The following PPP1R12A variants were observed in gnomAD, a reference collection of about 807,000 sequenced individuals.
PPP1R12A encodes the protein protein phosphatase 1 regulatory subunit 12A, also known as myosin binding subunit.
Under a neutral mutation model 139.6 loss-of-function variants are expected in PPP1R12A, and 19 were observed. The ratio of observed to expected loss-of-function variants is 0.14; its 90% CI spans 0.09 to 0.20. The LOEUF (loss-of-function observed/expected upper bound fraction) is 0.20. Among genes scored for constraint, PPP1R12A ranks in the 10% least tolerant of loss-of-function variants. The pLI is 1.00. For missense variants in PPP1R12A, 925 were observed against 1,211.5 expected (o/e 0.76, Z 3.51); for synonymous variants, 427 against 420.6 (o/e 1.02, Z -0.19).
At chr12:79,779,724 G>A (rs1389608916) in intron 23 of PPP1R12A, 1 of 217,992 alleles carries the variant, frequency 4.6e-6, no homozygotes, top group African/African-American at 2.3e-5. Flanking sequence ...ATCAGAAATA[G>A]AATATTTCTT....
rs201441154 is a variant in PPP1R12A at position 79,861,102 on chromosome 12, T to TTAAACCC, written c.368+11705_368+11706insGGGTTTA. On this transcript the variant is annotated intron_variant, in intron 2 of 24. Coordinates refer to ENST00000450142, the MANE Select transcript of PPP1R12A (RefSeq NM_002480.3). The stretch of plus-strand genomic sequence containing the variant: ...TCAGTAGCCATCCTAAGGAACAGGG[T>TTAAACCC]TTCTTGGAGAAATGAGGACTCCAGG... Among the ~76,000 whole-genome samples, 1,328 of 152,162 alleles carry TTAAACCC rather than the reference T, an allele frequency of 8.7e-3. 22 individuals are homozygous for TTAAACCC. The highest frequency in any genetic ancestry group is 0.031 in the African/African-American group (1,277 of 41,520).
intron 2 of PPP1R12A, among the ~76,000 whole-genome samples, chr12:79,863,644 C>CAAAAAAA (rs61530316): frequency 3.6e-5 from 2 of 55,334 alleles, no homozygotes; most frequent in African/African-American, 6.7e-5. Flanking sequence ...AAATTGAAAG[C>CAAAAAAA]AAAAAAAAAA....
At chr12:79,866,321 C>G (rs2137305255) in intron 2 of PPP1R12A, among the ~76,000 whole-genome samples, 1 of 152,270 alleles carries the variant, frequency 6.6e-6, no homozygotes, top group Non-Finnish European at 1.5e-5. Flanking sequence ...AAAATCAACT[C>G]AAGATGGATC....
At chr12:79,872,757 C>T in intron 2 of PPP1R12A, 51 bp downstream of exon 2, 3 of 1,563,012 alleles carry the variant, frequency 1.9e-6, no homozygotes, top group East Asian at 2.3e-5. Flanking sequence ...AATAAACATT[C>T]AGGTCTGTCA....
At chr12:79,930,435 A>G (rs1243787923) in intron 1 of PPP1R12A, among the ~76,000 whole-genome samples, 1 of 152,170 alleles carries the variant, frequency 6.6e-6, no homozygotes, top group East Asian at 1.9e-4. Context: ...AATAAGGGAG[A>G]GAATAGAGGC....
intron 14 of PPP1R12A, among the ~76,000 whole-genome samples, chr12:79,799,158 T>G (rs1011058017): frequency 6.6e-6 from 1 of 150,886 alleles, no homozygotes; most frequent in Non-Finnish European, 1.5e-5. Context: ...GTTTGTTTTG[T>G]TTTTTTTTGA....
intron 1 of PPP1R12A, among the ~76,000 whole-genome samples, chr12:79,873,510 A>AC (rs1882783351): frequency 6.6e-6 from 1 of 151,190 alleles, no homozygotes; most frequent in Non-Finnish European, 1.5e-5. Context: ...AAAAAAAAAA[A>AC]AAAAACATTG....
intron 1 of PPP1R12A, among the ~76,000 whole-genome samples, chr12:79,928,715 A>T (rs192048243): frequency 1.2e-4 from 19 of 152,346 alleles, no homozygotes; most frequent in Non-Finnish European, 2.5e-4. Flanking sequence ...TAGTAATCAA[A>T]CTATTTGCTA....
chr12:79,813,299 C>T (rs994177979), intron 9 of PPP1R12A, among the ~76,000 whole-genome samples: 4 of 152,130 alleles, frequency 2.6e-5, no homozygotes, highest in African/African-American at 9.7e-5. Flanking sequence ...GGTTTACAAG[C>T]CCTTCTTCTC....
At chr12:79,894,837 G>A (rs993143432) in intron 1 of PPP1R12A, among the ~76,000 whole-genome samples, 5 of 152,074 alleles carry the variant, frequency 3.3e-5, no homozygotes, top group African/African-American at 9.7e-5. Context: ...CACCTAACAC[G>A]CTTTTTGGGA....
chr12:79,807,605 CAGA>C (rs1170202503), intron 11 of PPP1R12A, among the ~76,000 whole-genome samples: 1 of 151,392 alleles, frequency 6.6e-6, no homozygotes, highest in African/African-American at 2.4e-5. Flanking sequence ...ACTTTAACCG[CAGA>C]AGATCTACTT....
intron 20 of PPP1R12A, chr12:79,789,696 A>G (rs1169776089): frequency 1.3e-5 from 6 of 450,754 alleles, no homozygotes; most frequent in Admixed American, 4.8e-5. Context: ...GTTAACAATG[A>G]TAAGAGAAAT....
chr12:79,812,194 T>C (rs1874624318), intron 9 of PPP1R12A, among the ~76,000 whole-genome samples: 1 of 152,188 alleles, frequency 6.6e-6, no homozygotes, highest in Non-Finnish European at 1.5e-5. Flanking sequence ...AACATGAACT[T>C]GGATTTAAGT....
chr12:79,802,655 C>T (rs1173628030), intron 14 of PPP1R12A, among the ~76,000 whole-genome samples: 1 of 152,010 alleles, frequency 6.6e-6, no homozygotes, highest in African/African-American at 2.4e-5. Flanking sequence ...TGATGGCACA[C>T]CTGTAGTCCT....
At chr12:79,851,457 T>C (rs1371643197) in intron 2 of PPP1R12A, among the ~76,000 whole-genome samples, 1 of 152,210 alleles carries the variant, frequency 6.6e-6, no homozygotes, top group African/African-American at 2.4e-5. Context: ...CTATCAGTAC[T>C]TAACAAATGT....
intron 3 of PPP1R12A, among the ~76,000 whole-genome samples, chr12:79,839,983 T>C (rs957121489): frequency 1.3e-5 from 2 of 152,228 alleles, no homozygotes; most frequent in African/African-American, 4.8e-5. Flanking sequence ...AATTAAGATA[T>C]GCTATATAAA....
intron 10 of PPP1R12A, among the ~76,000 whole-genome samples, chr12:79,809,517 A>G (rs1874271252): frequency 6.6e-6 from 1 of 152,168 alleles, no homozygotes; most frequent in Admixed American, 6.5e-5. Context: ...AAACAAAATA[A>G]GCCTGCTCCT....
At chr12:79,849,132 GT>G (rs1879749498) in intron 2 of PPP1R12A, among the ~76,000 whole-genome samples, 1 of 152,018 alleles carries the variant, frequency 6.6e-6, no homozygotes, top group Non-Finnish European at 1.5e-5. Context: ...AGGAAGCAAT[GT>G]TTCACTTTGG....
At chr12:79,782,577 T>A (rs1194500636) in intron 22 of PPP1R12A, 2 of 455,568 alleles carry the variant, frequency 4.4e-6, no homozygotes, top group South Asian at 3.1e-5. Flanking sequence ...CTACCTGTTG[T>A]ATCCTGTACT....
Sources: gnomAD v4.1 joint callset for allele counts (sites outside exome capture counted in the v4.1 genomes callset) on GRCh38, gnomAD v4.1.1 for gene constraint, MANE v1.5 for transcripts, NCBI Gene and HGNC (gene_info 2026-07-23, HGNC 2026-07-21) for gene names.